The following TMEM164 variants were observed in gnomAD, a reference collection of about 807,000 sequenced individuals.
The protein encoded by TMEM164 is RP13-360B22.2.
TMEM164 carries 4 observed loss-of-function variants against 18.8 expected under a neutral mutation model. The ratio of observed to expected loss-of-function variants is 0.21; its 90% CI spans 0.10 to 0.49. The LOEUF (loss-of-function observed/expected upper bound fraction) is 0.49. TMEM164 is among the 20% of genes least tolerant of loss of function. The pLI, the probability that TMEM164 is intolerant of heterozygous loss-of-function variation, is 0.98. For missense variants in TMEM164, 108 were observed against 239.9 expected, an observed-to-expected ratio of 0.45 and a Z score of 3.63; for synonymous variants, 86 against 101.7, an observed-to-expected ratio of 0.85 and a Z score of 0.93.
At position 110,103,676 on chromosome X, in the gene TMEM164, G is replaced by T. The variant is rs144525274; in HGVS notation, c.441-5404G>T. ...GTCTCTAGCCAGAAAGGTTTTTAAA[G>T]ATACCAAAATATCACAATATACAGA... On this transcript the variant is annotated intron_variant, in intron 3 of 6. Transcript: ENST00000372068. 3.5e-3 allele frequency among the ~76,000 whole-genome samples: 394 copies of T among 111,897 alleles called. 1 individual carries two copies. The highest frequency in any genetic ancestry group is 0.011 in the African/African-American group (345 of 30,776).
intron 3 of TMEM164, among the ~76,000 whole-genome samples, chrX:110,077,152 A>G (rs760524019): frequency 8.9e-6 from 1 of 112,438 alleles, no homozygotes; most frequent in Admixed American, 9.4e-5. Context: ...TTGGGTGCAT[A>G]TATATTCAGG....
At chrX:110,164,613 A>G (rs1245391051) in intron 5 of TMEM164, among the ~76,000 whole-genome samples, 1 of 111,433 alleles carries the variant, frequency 9.0e-6, no homozygotes, top group Non-Finnish European at 1.9e-5. Flanking sequence ...AGGATGCTGG[A>G]AGGTTCATCT....
At chrX:110,180,827 C>T (rs775267177), downstream of TMEM164, among the ~76,000 whole-genome samples, 11 of 111,841 alleles carry the variant, frequency 9.8e-5, no homozygotes, top group African/African-American at 3.6e-4. Flanking sequence ...CTCCAGCCAG[C>T]AGGCCTCTCT....
intron 4 of TMEM164, among the ~76,000 whole-genome samples, chrX:110,117,161 A>G (rs973336534): frequency 9.0e-6 from 1 of 111,592 alleles, no homozygotes; most frequent in African/African-American, 3.3e-5. Context: ...ACAGAGCCTT[A>G]GAAAGTTTAA....
At chrX:110,029,233 T>C (rs935505227) in intron 2 of TMEM164, among the ~76,000 whole-genome samples, 2 of 112,126 alleles carry the variant, frequency 1.8e-5, no homozygotes, top group East Asian at 5.6e-4. Context: ...TTTGTCGTTA[T>C]TGAAAACACT....
At chrX:110,115,237 A>G (rs1156860390) in intron 4 of TMEM164, among the ~76,000 whole-genome samples, 1 of 112,400 alleles carries the variant, frequency 8.9e-6, no homozygotes, top group Admixed American at 9.4e-5. Context: ...TTGACCTAGA[A>G]AAGTTATTTC....
At chrX:110,099,096 C>T (rs2147945161) in intron 3 of TMEM164, among the ~76,000 whole-genome samples, 1 of 109,576 alleles carries the variant, frequency 9.1e-6, no homozygotes, top group Admixed American at 9.8e-5. Context: ...CCGCTCCTGG[C>T]TGAGTTGTGT....
chrX:110,090,331 A>G (rs2065907271), intron 3 of TMEM164, among the ~76,000 whole-genome samples: 1 of 101,389 alleles, frequency 9.9e-6, no homozygotes, highest in Non-Finnish European at 2.0e-5. Flanking sequence ...TTTTGAGCAG[A>G]GTCTTGCTCT....
rs774337523 is a variant in TMEM164 at position 110,080,462 on chromosome X, C to T, written c.440+13066C>T. On this transcript the variant is annotated intron_variant, in intron 3 of 6. Transcript: ENST00000372068. ...CACTGCCAGGATATTTTCATTGATACGGTCTGATAAAGCAGAACAGTCCTG... is the reference window on the plus strand; with the variant it reads ...CACTGCCAGGATATTTTCATTGATATGGTCTGATAAAGCAGAACAGTCCTG... Among the ~76,000 whole-genome samples, 10 of 111,643 alleles carry T rather than the reference C, an allele frequency of 9.0e-5. No individual in the cohort carries two copies. The South Asian group carries it at 1.8e-3, about 21-fold the overall frequency.
At chrX:110,018,179 G>A (rs1327531585) in intron 2 of TMEM164, among the ~76,000 whole-genome samples, 1 of 112,463 alleles carries the variant, frequency 8.9e-6, no homozygotes, top group African/African-American at 3.2e-5. Flanking sequence ...TGGGGCTCCA[G>A]GGCAAGGGAT....
chrX:110,035,973 A>T (rs755587013), intron 2 of TMEM164, among the ~76,000 whole-genome samples: 16 of 110,585 alleles, frequency 1.4e-4, no homozygotes, highest in Non-Finnish European at 1.5e-4. Context: ...TCCTACTAGC[A>T]GTGGGGACAG....
chrX:110,163,354 C>T (rs2067117371), intron 5 of TMEM164, among the ~76,000 whole-genome samples: 1 of 112,342 alleles, frequency 8.9e-6, no homozygotes, highest in Admixed American at 9.4e-5. Context: ...ATAGATCTTA[C>T]TTAACCCAGT....
At chrX:110,129,183 C>T (rs1042809124) in intron 4 of TMEM164, among the ~76,000 whole-genome samples, 25 of 112,277 alleles carry the variant, frequency 2.2e-4, no homozygotes, top group African/African-American at 7.8e-4. Context: ...GCTGGCTTGC[C>T]GTTCCAAGTT....
chrX:110,080,225 G>T, intron 3 of TMEM164, among the ~76,000 whole-genome samples: 1 of 111,694 alleles, frequency 9.0e-6, no homozygotes, highest in Non-Finnish European at 1.9e-5. Flanking sequence ...GTTAGAATAA[G>T]TTAGCACGAG....
intron 3 of TMEM164, among the ~76,000 whole-genome samples, chrX:110,090,208 G>A (rs1029411471): frequency 1.8e-5 from 2 of 110,942 alleles, no homozygotes; most frequent in African/African-American, 3.3e-5. Context: ...CTGCAACCAG[G>A]GAATTATCTT....
At chrX:110,149,176 A>G (rs73540279) in intron 5 of TMEM164, among the ~76,000 whole-genome samples, 4,693 of 111,236 alleles carry the variant, frequency 0.042, 245 homozygotes, top group African/African-American at 0.15. Context: ...ATCTATTTTA[A>G]CACAGTTTAT....
chrX:110,058,529 A>G (rs1482553537), intron 2 of TMEM164, among the ~76,000 whole-genome samples: 1 of 107,435 alleles, frequency 9.3e-6, no homozygotes. Flanking sequence ...TATTCTGAAT[A>G]CTAGACTCCT....
At chrX:110,181,666 C>T (rs2067324406), downstream of TMEM164, among the ~76,000 whole-genome samples, 1 of 113,100 alleles carries the variant, frequency 8.8e-6, no homozygotes, top group African/African-American at 3.2e-5. Context: ...CCCAGTTCTT[C>T]CCTTTCAGGT....
intron 2 of TMEM164, among the ~76,000 whole-genome samples, chrX:110,067,138 C>T (rs916094341): frequency 2.3e-5 from 2 of 85,431 alleles, no homozygotes; most frequent in African/African-American, 5.4e-5. Context: ...CCTCCTTCTC[C>T]CTTTCTCATG....
Sources: allele counts gnomAD v4.1 joint callset (sites outside exome capture counted in the v4.1 genomes callset), GRCh38; gene constraint gnomAD v4.1.1; transcripts MANE v1.5; gene names NCBI Gene and HGNC (gene_info 2026-07-23, HGNC 2026-07-21).